SLC25A21: variants seen among roughly 807,000 people sequenced by gnomAD.
SLC25A21 encodes the protein mitochondrial 2-oxodicarboxylate carrier.
Under a neutral mutation model 43.8 loss-of-function variants are expected in SLC25A21, and 47 were observed. The observed-to-expected ratio is 1.07, with a 90% CI of 0.85 to 1.37. The LOEUF (loss-of-function observed/expected upper bound fraction) is 1.37, where lower values mean the gene tolerates loss of function less well. Ranked by LOEUF, SLC25A21 falls within the 40% of genes most tolerant of loss-of-function variation. The pLI is 0.00. For missense variants in SLC25A21, 352 were observed against 350.2 expected, an observed-to-expected ratio of 1.00 and a Z score of -0.04; for synonymous variants, 131 against 121.3, an observed-to-expected ratio of 1.08 and a Z score of -0.52.
At chr14:36,764,069 A>AAAGAAAGAAAGAAAGAAAGG in intron 3 of SLC25A21, among the ~76,000 whole-genome samples, 1 of 51,446 alleles carries the variant, frequency 1.9e-5, no homozygotes, top group Non-Finnish European at 3.4e-5. Context: ...AGAAAGAAAG[A>AAAGAAAGAAAGAAAGAAAGG]AAGAAAGAAA....
chr14:37,152,280 G>A (rs948769992), intron 1 of SLC25A21, among the ~76,000 whole-genome samples: 2 of 151,708 alleles, frequency 1.3e-5, no homozygotes, highest in African/African-American at 2.4e-5. Flanking sequence ...ATAGAAATGA[G>A]AAAATGATAA....
At chr14:37,145,449 A>G (rs369031712) in intron 1 of SLC25A21, among the ~76,000 whole-genome samples, 6 of 18,108 alleles carry the variant, frequency 3.3e-4, no homozygotes, top group African/African-American at 4.5e-4. Context: ...AAATACACAC[A>G]CACACACACA....
intron 1 of SLC25A21, among the ~76,000 whole-genome samples, chr14:36,962,416 T>C (rs1959514941): frequency 1.3e-5 from 2 of 152,184 alleles, no homozygotes; most frequent in Non-Finnish European, 2.9e-5. Context: ...GATCTCTAGA[T>C]TTGTTCATCC....
intron 1 of SLC25A21, among the ~76,000 whole-genome samples, chr14:37,052,516 T>C (rs1961730766): frequency 6.6e-6 from 1 of 152,274 alleles, no homozygotes; most frequent in Admixed American, 6.5e-5. Flanking sequence ...TATTTTTGCA[T>C]GCTTCTTTCT....
intron 1 of SLC25A21, among the ~76,000 whole-genome samples, chr14:37,043,808 C>T (rs1239323193): frequency 1.3e-5 from 2 of 152,104 alleles, no homozygotes; most frequent in Non-Finnish European, 2.9e-5. Context: ...AATCATGGCT[C>T]ACTGCAACAT....
intron 1 of SLC25A21, among the ~76,000 whole-genome samples, chr14:37,043,942 T>TTTTTTTG (rs1961532369): frequency 6.8e-6 from 1 of 146,878 alleles, no homozygotes; most frequent in Non-Finnish European, 1.5e-5. Context: ...GTTTTTTTGT[T>TTTTTTTG]TTTTTTTTTT....
intron 1 of SLC25A21, among the ~76,000 whole-genome samples, chr14:36,925,559 G>A (rs1001729266): frequency 6.6e-6 from 1 of 152,088 alleles, no homozygotes; most frequent in African/African-American, 2.4e-5. Context: ...TAATAACAGA[G>A]CTTCTGGCAA....
intron 2 of SLC25A21, among the ~76,000 whole-genome samples, chr14:36,814,919 C>A (rs969205021): frequency 2.6e-5 from 4 of 152,144 alleles, no homozygotes; most frequent in Admixed American, 1.3e-4. Context: ...GGAACCAACC[C>A]AAATGCCCAT....
intron 1 of SLC25A21, among the ~76,000 whole-genome samples, chr14:37,163,566 A>G (rs1051320030): frequency 3.3e-5 from 5 of 152,146 alleles, no homozygotes; most frequent in African/African-American, 1.2e-4. Context: ...AATGAAAACA[A>G]AAAAAGGAAA....
rs1417734667 is a variant in SLC25A21 at position 37,043,944 on chromosome 14, T to G, written c.70+128337A>C. The stretch of plus-strand genomic sequence containing the variant: ...TTGTTTGTTTTATGTTTTTTTGTTT[T>G]TTTTTTTTTTTTTGGTGGAGACATG... On this transcript the variant is annotated intron_variant, in intron 1 of 9. Coordinates refer to ENST00000331299, the MANE Select transcript of SLC25A21 (RefSeq NM_030631.4). 2.0e-5 allele frequency among the ~76,000 whole-genome samples: 3 copies of G among 150,364 alleles called. No individual in the cohort carries two copies. In the South Asian group the frequency reaches 6.2e-4, roughly 31 times the overall value.
At chr14:36,728,038 C>T (rs1227165367) in intron 5 of SLC25A21, among the ~76,000 whole-genome samples, 12 of 152,112 alleles carry the variant, frequency 7.9e-5, no homozygotes, top group Non-Finnish European at 1.6e-4. Context: ...TTCAGCAGTC[C>T]CTTGTCAAAA....
chr14:36,775,602 G>A (rs926121298), intron 3 of SLC25A21, among the ~76,000 whole-genome samples: 1 of 151,894 alleles, frequency 6.6e-6, no homozygotes, highest in Non-Finnish European at 1.5e-5. Flanking sequence ...ATAATGGGTG[G>A]GTATAAAATC....
At chr14:36,941,603 T>C (rs1892559336) in intron 1 of SLC25A21, among the ~76,000 whole-genome samples, 1 of 151,900 alleles carries the variant, frequency 6.6e-6, no homozygotes, top group Non-Finnish European at 1.5e-5. Context: ...TGGCATGGAA[T>C]TTTTTATTAT....
At chr14:36,764,079 A>AGAAAGAAAGAAGGAAAGAAGGAAG (rs1555326615) in intron 3 of SLC25A21, among the ~76,000 whole-genome samples, 3 of 41,852 alleles carry the variant, frequency 7.2e-5, no homozygotes, top group African/African-American at 3.9e-4. Flanking sequence ...AAAGAAAGAA[A>AGAAAGAAAGAAGGAAAGAAGGAAG]GAAGGAAGGA....
intron 1 of SLC25A21, among the ~76,000 whole-genome samples, chr14:37,011,075 T>C (rs1960720893): frequency 6.6e-6 from 1 of 152,132 alleles, no homozygotes; most frequent in Admixed American, 6.5e-5. Flanking sequence ...TTAGTAGAGA[T>C]GGGGTTTCAC....
intron 3 of SLC25A21, among the ~76,000 whole-genome samples, chr14:36,767,616 A>C (rs561680036): frequency 3.7e-4 from 56 of 152,328 alleles, no homozygotes; most frequent in Middle Eastern, 3.4e-3. Flanking sequence ...AGTGAGTCAA[A>C]TGTGTAAGAT....
intron 1 of SLC25A21, among the ~76,000 whole-genome samples, chr14:36,897,050 T>G (rs532994944): frequency 6.6e-6 from 1 of 152,292 alleles, no homozygotes; most frequent in Admixed American, 6.5e-5. Context: ...TATTTTTGTG[T>G]TGTTCTCTGT....
chr14:36,882,994 C>CAAGT (rs1890782360), intron 1 of SLC25A21, among the ~76,000 whole-genome samples: 1 of 152,014 alleles, frequency 6.6e-6, no homozygotes, highest in Non-Finnish European at 1.5e-5. Context: ...TACTCTGGTC[C>CAAGT]AAGTCATGAT....
At chr14:36,854,658 T>C (rs1422269215) in intron 2 of SLC25A21, among the ~76,000 whole-genome samples, 2 of 152,178 alleles carry the variant, frequency 1.3e-5, no homozygotes, top group Non-Finnish European at 2.9e-5. Flanking sequence ...TTTTTACAAG[T>C]TGTGCTTGGG....
Sources: allele counts gnomAD v4.1 joint callset (sites outside exome capture counted in the v4.1 genomes callset), GRCh38; gene constraint gnomAD v4.1.1; transcripts MANE v1.5; gene names NCBI Gene and HGNC (gene_info 2026-07-23, HGNC 2026-07-21).